MIPOL1: variants seen among roughly 807,000 people sequenced by gnomAD.
The protein encoded by MIPOL1 is mirror-image polydactyly gene 1 protein.
In MIPOL1, 57 loss-of-function variants were observed where a neutral mutation model predicts 60.9. The observed-to-expected ratio is 0.94, with a 90% confidence interval of 0.76 to 1.17. MIPOL1 has a LOEUF of 1.17. Ranked by LOEUF, MIPOL1 falls within the 50% of genes most tolerant of loss-of-function variation. The pLI is 0.00. For missense variants in MIPOL1, 551 were observed against 511.6 expected (o/e 1.08, Z -0.74); for synonymous variants, 179 against 168.8 (o/e 1.06, Z -0.47).
At chr14:37,298,410 A>G (rs1222438380) in intron 7 of MIPOL1, among the ~76,000 whole-genome samples, 1 of 152,202 alleles carries the variant, frequency 6.6e-6, no homozygotes, top group Non-Finnish European at 1.5e-5. Flanking sequence ...TCATGTTTAA[A>G]ACACCAAAAG....
rs1256483474 is a variant in MIPOL1, at chr14:37,369,560, A to G, written c.872A>G (p.Asn291Ser). Residue 291 changes from asparagine to serine, a missense_variant, in exon 10 of 13, where the codon AAC (asparagine) becomes AGC (serine). Asn to Ser is a conservative substitution (Grantham distance 46, BLOSUM62 1). Transcript: ENST00000684589. ...GAGCTTCATCATGTGAAAGAGCAGA[A>G]CCAGACTTCAGCAAACAACATGAGA... is the stretch of plus-strand genomic sequence containing the variant. ...EQELHHVKEQ[N>S]QTSANNMRHL... The G allele has an allele frequency of 2.5e-6, 4 of 1,613,630 alleles. No individual in the cohort carries two copies. The highest frequency in any genetic ancestry group is 1.7e-5 in the Admixed American group (1 of 59,972).
chr14:37,335,526 C>T (rs1222425570), intron 9 of MIPOL1, among the ~76,000 whole-genome samples: 1 of 152,034 alleles, frequency 6.6e-6, no homozygotes, highest in Non-Finnish European at 1.5e-5. Flanking sequence ...CCTTTTGTGA[C>T]TGGCTTATTT....
chr14:37,516,865 G>A (rs867284273), intron 12 of MIPOL1, among the ~76,000 whole-genome samples: 1 of 152,080 alleles, frequency 6.6e-6, no homozygotes, highest in Non-Finnish European at 1.5e-5. Context: ...CCAAACAAAT[G>A]AAGCTTTATT....
intron 11 of MIPOL1, among the ~76,000 whole-genome samples, chr14:37,478,979 A>G (rs769322558): frequency 1.3e-5 from 2 of 152,152 alleles, no homozygotes; most frequent in Non-Finnish European, 2.9e-5. Flanking sequence ...ATATATATGC[A>G]TGCAACATCA....
intron 11 of MIPOL1, among the ~76,000 whole-genome samples, chr14:37,448,417 A>G (rs2094369645): frequency 6.6e-6 from 1 of 152,248 alleles, no homozygotes; most frequent in Non-Finnish European, 1.5e-5. Context: ...TGCCCACAGT[A>G]TCACTAGCAG....
chr14:37,461,043 C>T (rs1313542567), intron 11 of MIPOL1, among the ~76,000 whole-genome samples: 1 of 152,102 alleles, frequency 6.6e-6, no homozygotes, highest in Non-Finnish European at 1.5e-5. Context: ...GCCTGGATAA[C>T]CAAAGCAATT....
chr14:37,396,081 GT>G (rs1165650567), intron 10 of MIPOL1, among the ~76,000 whole-genome samples: 1 of 149,708 alleles, frequency 6.7e-6, no homozygotes, highest in Non-Finnish European at 1.5e-5. Context: ...TTTTTTTTTT[GT>G]TTTTTGTTTT....
chr14:37,226,457 T>C (rs1339918524), intron 1 of MIPOL1, among the ~76,000 whole-genome samples: 1 of 152,094 alleles, frequency 6.6e-6, no homozygotes, highest in Non-Finnish European at 1.5e-5. Context: ...GAGAAGACAG[T>C]GAGAGCCAAG....
At chr14:37,381,758 T>TA (rs2092931675) in intron 10 of MIPOL1, among the ~76,000 whole-genome samples, 1 of 151,680 alleles carries the variant, frequency 6.6e-6, no homozygotes, top group Non-Finnish European at 1.5e-5. Flanking sequence ...AATTTTTTTT[T>TA]TTTTTATTTT....
intron 11 of MIPOL1, among the ~76,000 whole-genome samples, chr14:37,490,538 C>T (rs988452890): frequency 9.2e-5 from 14 of 152,178 alleles, no homozygotes; most frequent in African/African-American, 2.4e-4. Context: ...TCTGCCCAAA[C>T]GGCCACCCAG....
intron 9 of MIPOL1, among the ~76,000 whole-genome samples, chr14:37,309,205 T>A (rs1408989594): frequency 6.6e-6 from 1 of 151,956 alleles, no homozygotes; most frequent in African/African-American, 2.4e-5. Context: ...TGGCCTCAAG[T>A]GATCCTCCTC....
In MIPOL1 at chr14:37,304,738, G is replaced by T. The variant is rs577023369; in HGVS notation, c.624-3318G>T. Among the ~76,000 whole-genome samples the T allele has an allele frequency of 4.6e-5, 7 of 151,900 alleles. No homozygotes were observed. The East Asian group carries it at 5.8e-4, about 13-fold the overall frequency. ...CAAGAAATGCGACATTTCACGCATG[G>T]ATCTTTTCACTTAGAGTGCAAGGAT... On this transcript the variant is annotated intron_variant, in intron 7 of 12. Transcript: ENST00000684589.
intron 10 of MIPOL1, among the ~76,000 whole-genome samples, chr14:37,371,350 A>G (rs189397903): frequency 2.0e-5 from 3 of 152,180 alleles, no homozygotes; most frequent in Admixed American, 6.5e-5. Flanking sequence ...AGATAAGTTG[A>G]AAACAAATAT....
intron 10 of MIPOL1, among the ~76,000 whole-genome samples, chr14:37,381,114 A>T (rs2092912159): frequency 6.6e-6 from 1 of 152,020 alleles, no homozygotes; most frequent in Non-Finnish European, 1.5e-5. Context: ...TTCATAAGAA[A>T]ATGTTCACTG....
At chr14:37,477,809 C>A (rs2094800826) in intron 11 of MIPOL1, among the ~76,000 whole-genome samples, 1 of 152,212 alleles carries the variant, frequency 6.6e-6, no homozygotes, top group East Asian at 1.9e-4. Context: ...AATAAAGTGG[C>A]ATGTGTGCAG....
At chr14:37,539,866 G>T (rs1301393901) in intron 12 of MIPOL1, among the ~76,000 whole-genome samples, 1 of 152,114 alleles carries the variant, frequency 6.6e-6, no homozygotes. Context: ...ATATTGAATT[G>T]TAGTTCCCAT....
At chr14:37,216,315 G>C (rs1967695105) in intron 1 of MIPOL1, among the ~76,000 whole-genome samples, 1 of 152,062 alleles carries the variant, frequency 6.6e-6, no homozygotes, top group East Asian at 1.9e-4. Flanking sequence ...GAGAGAGATA[G>C]GCTTCAATAC....
intron 10 of MIPOL1, among the ~76,000 whole-genome samples, chr14:37,415,486 A>G (rs535375607): frequency 1.3e-5 from 2 of 151,816 alleles, no homozygotes; most frequent in East Asian, 1.9e-4. Flanking sequence ...AAAATTAGCC[A>G]GGCGTGGTGG....
At chr14:37,384,130 C>T (rs1284294046) in intron 10 of MIPOL1, among the ~76,000 whole-genome samples, 1 of 151,852 alleles carries the variant, frequency 6.6e-6, no homozygotes, top group African/African-American at 2.4e-5. Context: ...TAAGAATTGT[C>T]AAACTTAATT....
Sources: allele counts gnomAD v4.1 joint callset (sites outside exome capture counted in the v4.1 genomes callset), GRCh38; gene constraint gnomAD v4.1.1; transcripts MANE v1.5; gene names NCBI Gene and HGNC (gene_info 2026-07-23, HGNC 2026-07-21).